Variants in CREM observed in about 807,000 individuals in gnomAD.
CREM encodes cAMP responsive element modulator.
In CREM, 13 loss-of-function variants were observed where a neutral mutation model predicts 37.3. The observed-to-expected ratio is 0.35, with a 90% CI of 0.23 to 0.55. CREM has a LOEUF of 0.55. Ranked by LOEUF, CREM falls within the 20% of genes least tolerant of loss-of-function variation. The pLI, the probability that CREM is intolerant of heterozygous loss-of-function variation, is 0.88. For synonymous variants in CREM, 124 were observed against 120.2 expected, an observed-to-expected ratio of 1.03 and a Z score of -0.21; for missense variants, 296 against 362.3, an observed-to-expected ratio of 0.82 and a Z score of 1.49.
At chr10:35,201,172 A>G (rs1352687552) in intron 6 of CREM, among the ~76,000 whole-genome samples, 1 of 152,240 alleles carries the variant, frequency 6.6e-6, no homozygotes, top group Non-Finnish European at 1.5e-5. Context: ...ATATTTTTTA[A>G]CAAAATAAGG....
At chr10:35,189,550 C>T (rs535482385) in intron 6 of CREM, among the ~76,000 whole-genome samples, 2 of 152,220 alleles carry the variant, frequency 1.3e-5, no homozygotes, top group East Asian at 3.9e-4. Context: ...GAGTCTCGCT[C>T]TGTTGCCCAG....
intron 6 of CREM, 73 bp downstream of exon 6, chr10:35,188,461 T>C: frequency 7.4e-7 from 1 of 1,346,056 alleles, no homozygotes; most frequent in Non-Finnish European, 9.9e-7. Context: ...GGTGATTTTA[T>C]AGTTTTTTGA....
intron 5 of CREM, among the ~76,000 whole-genome samples, chr10:35,180,457 G>A (rs1328521402): frequency 6.6e-6 from 1 of 152,108 alleles, no homozygotes; most frequent in Non-Finnish European, 1.5e-5. Flanking sequence ...TTTTCTTGTA[G>A]CAGTGGTAGA....
intron 4 of CREM, 21 bp downstream of exon 4, chr10:35,179,007 A>G (rs1344999431): frequency 3.2e-6 from 5 of 1,580,556 alleles, no homozygotes; most frequent in Admixed American, 1.9e-5. Flanking sequence ...CAAGTTTCCT[A>G]ATGTAAAGAT....
At chr10:35,173,474 G>A (rs565818719) in intron 3 of CREM, among the ~76,000 whole-genome samples, 78 of 152,230 alleles carry the variant, frequency 5.1e-4, no homozygotes, top group African/African-American at 1.8e-3. Context: ...ATGTAAAACA[G>A]TGCTACTCTT....
intron 6 of CREM, among the ~76,000 whole-genome samples, chr10:35,200,414 C>T (rs146962432): frequency 1.3e-5 from 2 of 152,290 alleles, no homozygotes; most frequent in African/African-American, 4.8e-5. Context: ...TCACATTATA[C>T]ACTTTGAGTA....
intron 3 of CREM, among the ~76,000 whole-genome samples, chr10:35,151,868 A>T (rs148809336): frequency 6.6e-6 from 1 of 152,246 alleles, no homozygotes; most frequent in South Asian, 2.1e-4. Flanking sequence ...TTTTCTGAAC[A>T]TAATTACTCA....
intron 5 of CREM, among the ~76,000 whole-genome samples, chr10:35,181,119 CT>C (rs1184731808): frequency 3.9e-5 from 6 of 152,150 alleles, no homozygotes; most frequent in Non-Finnish European, 7.4e-5. Flanking sequence ...GTTAACTTGT[CT>C]AGATTATTAG....
intron 3 of CREM, among the ~76,000 whole-genome samples, chr10:35,157,081 T>C (rs887841289): frequency 1.1e-4 from 16 of 152,204 alleles, no homozygotes; most frequent in Non-Finnish European, 5.9e-5. Flanking sequence ...GATGCAAGGA[T>C]GTTTCAACAT....
chr10:35,138,921 G>T (rs2091030988), intron 2 of CREM, among the ~76,000 whole-genome samples: 2 of 151,002 alleles, frequency 1.3e-5, no homozygotes, highest in Admixed American at 6.6e-5. Context: ...TTAATGGAGG[G>T]TCCTATTTTT....
Position 35,137,841 on chromosome 10 carries a change from C to T in CREM, c.6C>T (p.Ser2=). The change falls in exon 2 of 8, where the codon AGC becomes AGT. Residue 2 remains serine, a synonymous_variant. Coordinates refer to ENST00000685392, the MANE Select transcript of CREM (RefSeq NM_183011.2). Reference sequence around the variant, plus strand: ...TGATTACAAATATCTTAACAATGAGCAAATGTGCAAGGAAAAAATATATTA... The same window carrying T: ...TGATTACAAATATCTTAACAATGAGTAAATGTGCAAGGAAAAAATATATTA... The part of the protein sequence containing the change: M[S]KCARKKYIKT... The T allele has an allele frequency of 6.3e-7, 1 of 1,580,260 alleles. No homozygotes were observed. Among genetic ancestry groups the T allele is most frequent in the Middle Eastern group, 1.7e-4 (1 of 5,982 alleles).
intron 3 of CREM, among the ~76,000 whole-genome samples, chr10:35,158,809 G>GTTT (rs1320223245): frequency 2.9e-5 from 2 of 69,510 alleles, no homozygotes; most frequent in African/African-American, 7.5e-5. Context: ...TTTTTTTTTT[G>GTTT]TTGTTTTGTT....
chr10:35,139,814 A>C (rs746417574), intron 2 of CREM, among the ~76,000 whole-genome samples: 5 of 152,248 alleles, frequency 3.3e-5, no homozygotes, highest in African/African-American at 1.2e-4. Context: ...AATGGACTCT[A>C]TAAATTCTAT....
chr10:35,137,928 A>G, intron 2 of CREM, 49 bp downstream of exon 2: 2 of 1,465,052 alleles, frequency 1.4e-6, no homozygotes, highest in Non-Finnish European at 1.9e-6. Context: ...TACTTAGCTT[A>G]AAGTTCATGA....
rs184387477 is a variant in CREM, at chr10:35,133,661, A to C, written c.-54-4121A>C. On this transcript the variant is annotated intron_variant, in intron 1 of 7. Coordinates refer to ENST00000685392, the MANE Select transcript of CREM (RefSeq NM_183011.2). ...TGTTTATTGTCTTTCCAAAGCATTC[A>C]ACTTAGTCTTCAGAGAAACAGTTCT... is the stretch of plus-strand genomic sequence containing the variant. Among the ~76,000 whole-genome samples, 3 of 152,378 alleles carry C rather than the reference A, an allele frequency of 2.0e-5. No homozygotes were observed. In the East Asian group the frequency reaches 5.8e-4, roughly 29 times the overall value.
At chr10:35,196,005 A>G (rs2134010180) in intron 6 of CREM, 2 of 1,592,754 alleles carry the variant, frequency 1.3e-6, no homozygotes, top group East Asian at 4.5e-5. Flanking sequence ...CTACTTTAAC[A>G]TTTCTTTTGA....
At chr10:35,188,706 C>G (rs757146918) in intron 6 of CREM, among the ~76,000 whole-genome samples, 4 of 147,848 alleles carry the variant, frequency 2.7e-5, no homozygotes, top group Admixed American at 2.0e-4. Context: ...GGCGCCCAGG[C>G]TGGAGTACAA....
intron 6 of CREM, among the ~76,000 whole-genome samples, chr10:35,193,352 CCTT>C (rs2094998967): frequency 6.6e-6 from 1 of 152,062 alleles, no homozygotes; most frequent in African/African-American, 2.4e-5. Context: ...AACCCATTTC[CCTT>C]CTTTCTTTCC....
chr10:35,207,348 C>T (rs554400503), intron 7 of CREM, among the ~76,000 whole-genome samples: 4 of 151,844 alleles, frequency 2.6e-5, no homozygotes, highest in African/African-American at 9.7e-5. Flanking sequence ...GAGCCAAGAT[C>T]GTGCCACTGC....
Sources: gnomAD v4.1 joint callset for allele counts (sites outside exome capture counted in the v4.1 genomes callset) on GRCh38, gnomAD v4.1.1 for gene constraint, MANE v1.5 for transcripts, NCBI Gene and HGNC (gene_info 2026-07-23, HGNC 2026-07-21) for gene names.